The following INF2 variants were observed in gnomAD, a reference collection of about 807,000 sequenced individuals.
INF2 encodes inverted formin-2.
A neutral mutation model predicts 123.5 loss-of-function variants in INF2; 43 were observed. The observed-to-expected ratio is 0.35, with a 90% CI of 0.27 to 0.45. INF2 has a LOEUF of 0.45. Among genes scored for constraint, INF2 ranks in the 20% least tolerant of loss-of-function variants. INF2 has a pLI of 1.00. For missense variants in INF2, 1,453 were observed against 1,682.7 expected (o/e 0.86, Z 2.39); for synonymous variants, 851 against 745.0 (o/e 1.14, Z -2.32).
intron 7 of INF2, 77 bp from the exon 8 acceptor site, chr14:104,707,176 T>C: frequency 6.6e-7 from 1 of 1,518,494 alleles, no homozygotes; most frequent in Non-Finnish European, 8.8e-7. Context: ...GGCCGCTTTT[T>C]CCTGCCTCTT....
At position 104,701,756 on chromosome 14, in the gene INF2, G is replaced by C; in HGVS notation, c.391G>C (p.Ala131Pro). The part of the protein sequence containing the change: ...NQGYVRQLSQ[A>P]LDTSNVMVKK... ...GGGCTACGTGCGCCAGCTCTCCCAG[G>C]GTGAGCCGCAGTGTGGGAGGGCCGC... The change falls in exon 2 of 23, where the codon GCC becomes CCC. Residue 131 changes from alanine (A) to proline (P), a missense_variant and splice_region_variant. Physicochemically the swap from Ala to Pro is conservative, Grantham distance 27 (BLOSUM62 -1). This residue lies in a region of INF2 where 251 missense variants were observed against 349.4 expected (regional missense o/e 0.72). Coordinates refer to ENST00000392634, the MANE Select transcript of INF2 (RefSeq NM_022489.4). 1 of 1,503,162 alleles carries C rather than the reference G, an allele frequency of 6.7e-7. No individual in the cohort carries two copies. The highest frequency in any genetic ancestry group is 8.9e-7 in the Non-Finnish European group (1 of 1,125,234). The allele number at this position is 1,503,162 out of a possible 1,614,324, so 93.1% of individuals were successfully genotyped here. A position where few individuals can be genotyped will look rare whatever the true frequency, so the allele number is the denominator to read the frequency against.
chr14:104,689,995 C>T (rs968205507), intron 1 of INF2: 2 of 152,820 alleles, frequency 1.3e-5, no homozygotes, highest in African/African-American at 4.8e-5. Flanking sequence ...GCACTGGCCG[C>T]AGAGTGGTGG....
intron 7 of INF2, 73 bp downstream of exon 7, chr14:104,707,124 A>T (rs1019872208): frequency 2.0e-6 from 3 of 1,502,992 alleles, no homozygotes; most frequent in Non-Finnish European, 2.7e-6. Context: ...TGGGGGGGGG[A>T]GCCTGCCCTT....
Position 104,699,511 on chromosome 14 carries a change from GATGAGAAGCCAGGGGAGC to G in INF2, c.-9-1845_-9-1828del. 1.0e-6 allele frequency: 1 copy of G among 985,334 alleles called. No individual in the cohort carries two copies. 61.0% of individuals were successfully genotyped at this position (985,334 alleles called of 1,614,324 possible). A position where few individuals can be genotyped will look rare whatever the true frequency, so the allele number is the denominator to read the frequency against. ...CTCTGGCAGCTCAGCGGTCAGCAGC[GATGAGAAGCCAGGGGAGC>G]GTGAGGAGCAGCCCAGGACAGGGCC... On this transcript the variant is annotated intron_variant, in intron 1 of 22. Coordinates refer to ENST00000392634, the MANE Select transcript of INF2 (RefSeq NM_022489.4). This position sits in a 1 kb window ranked among gnomAD's most constrained non-coding sequence, Gnocchi z 4.7.
chr14:104,712,479 A>C lies in INF2; in HGVS notation c.2536A>C (p.Lys846Gln). The C allele has an allele frequency of 6.2e-7, 1 of 1,612,698 alleles. No homozygotes were observed. The highest frequency in any genetic ancestry group is 8.5e-7 in the Non-Finnish European group (1 of 1,179,816). Residue 846 changes from lysine (K) to glutamine (Q), a missense_variant, in exon 17 of 23, where the codon AAG becomes CAG. Physicochemically the swap from Lys to Gln is moderately conservative, Grantham distance 53. This residue lies in a region of INF2 where 212 missense variants were observed against 266.2 expected (regional missense o/e 0.80). Coordinates refer to ENST00000392634, the MANE Select transcript of INF2 (RefSeq NM_022489.4). ...CTCAGAGGCCAGCTCCAACCTGAAGAAGCTTCTGGAGACCGAGCGGAAGGT... is the reference window on the plus strand; with the variant it reads ...CTCAGAGGCCAGCTCCAACCTGAAGCAGCTTCTGGAGACCGAGCGGAAGGT... ...IRSEASSNLK[K>Q]LLETERKVSA...
intron 19 of INF2, 64 bp from the exon 20 acceptor site, chr14:104,713,380 AC>A: frequency 6.4e-7 from 1 of 1,570,668 alleles, no homozygotes; most frequent in Non-Finnish European, 8.6e-7. Flanking sequence ...CCTCCCCACC[AC>A]CCCCAGCCCT....
chr14:104,696,261 C>T (rs907659530), intron 1 of INF2, among the ~76,000 whole-genome samples: 32 of 152,176 alleles, frequency 2.1e-4, no homozygotes, highest in African/African-American at 7.5e-4. Context: ...GAGGCAGGAG[C>T]CTTGCACTCC....
At chr14:104,689,590 T>TACCCCCCCCCCC, upstream of INF2, 5 of 646,936 alleles carry the variant, frequency 7.7e-6, no homozygotes, top group Non-Finnish European at 9.3e-6. Context: ...CTCCTCTTCC[T>TACCCCCCCCCCC]CCCGCCCGCC....
chr14:104,707,986 A>G lies in INF2; in HGVS notation c.1719A>G (p.Pro573=). ...AGAAGCTGAACTGGCAGAAGCTGCCATCCAACGTGGCACGTGGTGAGGGTC... is the reference window on the plus strand; with the variant it reads ...AGAAGCTGAACTGGCAGAAGCTGCCGTCCAACGTGGCACGTGGTGAGGGTC... ...RMKKLNWQKL[P]SNVAREHNSM... The change falls in exon 8 of 23, where the codon CCA becomes CCG. Residue 573 remains proline, a synonymous_variant. Coordinates refer to ENST00000392634, the MANE Select transcript of INF2 (RefSeq NM_022489.4). The G allele has an allele frequency of 6.3e-7, 1 of 1,598,200 alleles. No homozygotes were observed.
chr14:104,702,217 G>A (rs1473197841), intron 2 of INF2, among the ~76,000 whole-genome samples: 1 of 152,064 alleles, frequency 6.6e-6, no homozygotes, highest in Admixed American at 6.6e-5. Flanking sequence ...ACCTACTGAT[G>A]GTGTCACCCT....
At chr14:104,703,889 C>G (rs1889654494) in intron 4 of INF2, 27 bp from the exon 5 acceptor site, 1 of 1,610,746 alleles carries the variant, frequency 6.2e-7, no homozygotes, top group Non-Finnish European at 8.5e-7. Context: ...GCCTCCGAAC[C>G]CTCTGACCCT....
At chr14:104,718,442 T>C (rs1034437972) in intron 22 of INF2, among the ~76,000 whole-genome samples, 1 of 149,170 alleles carries the variant, frequency 6.7e-6, no homozygotes, top group Non-Finnish European at 1.5e-5. Flanking sequence ...AATGGAGGGC[T>C]GCAGGGGGTG....
intron 14 of INF2, 25 bp from the exon 15 acceptor site, chr14:104,711,054 G>A (rs1192568352): frequency 1.2e-6 from 2 of 1,606,304 alleles, no homozygotes; most frequent in Non-Finnish European, 1.7e-6. Flanking sequence ...AGGGGCTGGT[G>A]AGACTCACTC....
intron 15 of INF2, 41 bp from the exon 16 acceptor site, chr14:104,711,588 G>A (rs1402389365): frequency 1.9e-6 from 3 of 1,580,090 alleles, no homozygotes; most frequent in Non-Finnish European, 2.6e-6. Context: ...CAGGTGGAGA[G>A]TATGACCACA....
At chr14:104,709,755 A>C (rs1889956976) in intron 12 of INF2, 50 bp downstream of exon 12, 1 of 1,525,370 alleles carries the variant, frequency 6.6e-7, no homozygotes, top group Non-Finnish European at 9.1e-7. Flanking sequence ...AGGTGGGAGG[A>C]GAGCAGGAAT....
In INF2 at chr14:104,689,737, CG is replaced by C. The variant is rs1247656150; in HGVS notation, c.-10+1del. 3.0e-6 allele frequency: 3 copies of C among 984,972 alleles called. No individual in the cohort carries two copies. In the African/African-American group the frequency reaches 5.2e-5, roughly 17 times the overall value. 61.0% of individuals were successfully genotyped at this position (984,972 alleles called of 1,614,324 possible). A position where few individuals can be genotyped will look rare whatever the true frequency, so the allele number is the denominator to read the frequency against. ...CACCGCCCTCTGGCCGTTGCCTCAC[CG>C]GGTAAGTCCTTGGCCTCGGGGTCCG... is the stretch of plus-strand genomic sequence containing the variant. On this transcript the variant is annotated splice_region_variant and 5_prime_UTR_variant, in exon 1 of 23. Coordinates refer to ENST00000392634, the MANE Select transcript of INF2 (RefSeq NM_022489.4).
exon 1 of INF2, chr14:104,681,492 G>A (rs750051354): frequency 6.4e-4 from 717 of 1,115,276 alleles, no homozygotes; most frequent in Non-Finnish European, 8.1e-4. Context: ...CCTAGTTACC[G>A]GCACACGGGC....
upstream of INF2, among the ~76,000 whole-genome samples, chr14:104,688,986 A>G (rs1395219448): frequency 2.0e-5 from 3 of 152,178 alleles, no homozygotes; most frequent in Non-Finnish European, 4.4e-5. Flanking sequence ...AACCCACCCC[A>G]TTGCGACACC....
chr14:104,704,295 G>A (rs980650067), intron 5 of INF2: 4 of 758,380 alleles, frequency 5.3e-6, no homozygotes, highest in Admixed American at 7.1e-5. Context: ...ACTACAGGGT[G>A]GTTCACGTGG....
Sources: gnomAD v4.1 joint callset for allele counts (sites outside exome capture counted in the v4.1 genomes callset) on GRCh38, gnomAD v4.1.1 for gene constraint, gnomAD v4.1.1 regional missense constraint, Gnocchi (gnomAD v3.1) non-coding constraint, MANE v1.5 for transcripts, NCBI Gene and HGNC (gene_info 2026-07-23, HGNC 2026-07-21) for gene names.